Variants in SLC35B3 observed in about 807,000 individuals in gnomAD.
The protein encoded by SLC35B3 is adenosine 3'-phospho 5'-phosphosulfate transporter 2.
SLC35B3 carries 35 observed loss-of-function variants against 44.1 expected under a neutral mutation model. That is an observed-to-expected ratio of 0.79 (90% confidence interval 0.61 to 1.05). SLC35B3 has a LOEUF of 1.05. SLC35B3 is among the 50% of genes least tolerant of loss of function. The pLI, the probability that SLC35B3 is intolerant of heterozygous loss-of-function variation, is 0.00. For synonymous variants in SLC35B3, 146 were observed against 167.3 expected (o/e 0.87, Z 0.98); for missense variants, 414 against 476.4 (o/e 0.87, Z 1.22).
Position 8,432,481 on chromosome 6 carries a change from A to T in SLC35B3, c.3+1904T>A, listed in dbSNP as rs1245985406. 6.6e-6 allele frequency among the ~76,000 whole-genome samples: 1 copy of T among 152,138 alleles called. No homozygotes were observed. The highest frequency in any genetic ancestry group is 1.5e-5 in the Non-Finnish European group (1 of 68,020). On this transcript the variant is annotated intron_variant, in intron 2 of 10. Coordinates refer to ENST00000644923, the MANE Select transcript of SLC35B3 (RefSeq NM_001370476.2). The surrounding 1 kb of genome is among the most constrained non-coding windows in gnomAD (Gnocchi z 4.8). Reference sequence around the variant, plus strand: ...ACTGCCAAGCATATTGTAATGACTCAATACAATTATAGGTAATAGTATAAG... The same window carrying T: ...ACTGCCAAGCATATTGTAATGACTCTATACAATTATAGGTAATAGTATAAG...
In SLC35B3 at chr6:8,434,518, G is replaced by A. The variant is rs1297517464; in HGVS notation, c.-43-88C>T. The A allele has an allele frequency of 8.0e-6, 9 of 1,127,072 alleles. No homozygotes were observed. In the East Asian group the frequency reaches 1.3e-4, roughly 16 times the overall value. The allele number at this position is 1,127,072 out of a possible 1,614,324, so 69.8% of individuals were successfully genotyped here. On this transcript the variant is annotated intron_variant, in intron 1 of 10. Transcript: ENST00000644923. This position sits in a 1 kb window ranked among gnomAD's most constrained non-coding sequence, Gnocchi z 6.3. ...CATTACACAAAGGTGGAGAAACCCTGTGCTAATGTTTGAAGACTATTCTTT... is the reference window on the plus strand; with the variant it reads ...CATTACACAAAGGTGGAGAAACCCTATGCTAATGTTTGAAGACTATTCTTT...
chr6:8,433,641 A>G lies in SLC35B3; in HGVS notation c.3+744T>C, dbSNP rs764655440. On this transcript the variant is annotated intron_variant, in intron 2 of 10. Transcript: ENST00000644923. This position sits in a 1 kb window ranked among gnomAD's most constrained non-coding sequence, Gnocchi z 4.1. Reference sequence around the variant, plus strand: ...GTCTTTTCTACATGTATGCCAAAATACCGACATTGCTACTGAAACTCCCCA... The same window carrying G: ...GTCTTTTCTACATGTATGCCAAAATGCCGACATTGCTACTGAAACTCCCCA... Among the ~76,000 whole-genome samples the G allele has an allele frequency of 3.3e-5, 5 of 152,180 alleles. No individual in the cohort carries two copies. Among genetic ancestry groups the G allele is most frequent in the Non-Finnish European group, 5.9e-5 (4 of 68,036 alleles).
chr6:8,418,521 C>T (rs1371006352), intron 7 of SLC35B3, among the ~76,000 whole-genome samples: 1 of 147,762 alleles, frequency 6.8e-6, no homozygotes. Flanking sequence ...TATATAAAAA[C>T]CAGTTACAAG....
rs1764297663 is a variant in SLC35B3, at chr6:8,434,493, C to A, written c.-43-63G>T. The A allele has an allele frequency of 7.1e-7, 1 of 1,407,860 alleles. No individual in the cohort carries two copies. The highest frequency in any genetic ancestry group is 9.8e-7 in the Non-Finnish European group (1 of 1,018,420). 87.2% of individuals were successfully genotyped at this position (1,407,860 alleles called of 1,614,324 possible). A position where few individuals can be genotyped will look rare whatever the true frequency, so the allele number is the denominator to read the frequency against. On this transcript the variant is annotated intron_variant, in intron 1 of 10. Transcript: ENST00000644923. This position sits in a 1 kb window ranked among gnomAD's most constrained non-coding sequence, Gnocchi z 6.3. Reference sequence around the variant, plus strand: ...CCATCTCATTTCTTTGTACACACATCATTACACAAAGGTGGAGAAACCCTG... The same window carrying A: ...CCATCTCATTTCTTTGTACACACATAATTACACAAAGGTGGAGAAACCCTG...
intron 5 of SLC35B3, 114 bp downstream of exon 4, chr6:8,422,356 A>T: frequency 1.2e-6 from 1 of 830,162 alleles, no homozygotes. Flanking sequence ...GAATTGTTAC[A>T]ATATCTAGAA....
Position 8,435,517 on chromosome 6 carries a change from C to A in SLC35B3, c.-218G>T, listed in dbSNP as rs577164056. 6 of 604,496 alleles carry A rather than the reference C, an allele frequency of 9.9e-6. No individual in the cohort carries two copies. Among genetic ancestry groups the A allele is most frequent in the Non-Finnish European group, 1.3e-5 (5 of 396,530 alleles). 37.4% of individuals were successfully genotyped at this position (604,496 alleles called of 1,614,324 possible). A position where few individuals can be genotyped will look rare whatever the true frequency, so the allele number is the denominator to read the frequency against. On this transcript the variant is annotated 5_prime_UTR_variant, in exon 1 of 11. Coordinates refer to ENST00000644923, the MANE Select transcript of SLC35B3 (RefSeq NM_001370476.2). This position sits in a 1 kb window ranked among gnomAD's most constrained non-coding sequence, Gnocchi z 5.5. ...CCTCCCCGGAAAGCACTCTCAACTC[C>A]GGCGCCCGCAGGCCACTTCCGCCTA...
Position 8,422,689 on chromosome 6 carries a change from G to A in SLC35B3, c.420-65C>T, listed in dbSNP as rs1763015363. On this transcript the variant is annotated intron_variant, in intron 4 of 10. Transcript: ENST00000644923. ...AATTCATACTACTAAAAGATAATGT[G>A]TTCACATTGTGTAAATGTCTAATTA... 3 of 1,258,810 alleles carry A rather than the reference G, an allele frequency of 2.4e-6. No individual in the cohort carries two copies. In the South Asian group the frequency reaches 4.1e-5, roughly 17 times the overall value. 78.0% of individuals were successfully genotyped at this position (1,258,810 alleles called of 1,614,324 possible).
At chr6:8,431,848 A>G (rs918951566) in intron 2 of SLC35B3, among the ~76,000 whole-genome samples, 1 of 152,182 alleles carries the variant, frequency 6.6e-6, no homozygotes, top group South Asian at 2.1e-4. Context: ...CCGGCCTTAC[A>G]TAGGTTTCTA....
intron 7 of SLC35B3, among the ~76,000 whole-genome samples, 159 bp from the exon 7 acceptor site, chr6:8,417,653 T>C (rs1244850125): frequency 6.6e-6 from 1 of 152,136 alleles, no homozygotes; most frequent in Admixed American, 6.6e-5. Context: ...TGTTATTTGA[T>C]TCTAATGTTT....
intron 9 of SLC35B3, among the ~76,000 whole-genome samples, chr6:8,415,389 A>G (rs754511454): frequency 6.6e-6 from 1 of 152,156 alleles, no homozygotes; most frequent in African/African-American, 2.4e-5. Context: ...ATCTCTGGAT[A>G]AGACTATAAG....
rs1256269819 is a variant in SLC35B3, at chr6:8,435,528, G to A, written c.-229C>T. ...AGCACTCTCAACTCCGGCGCCCGCA[G>A]GCCACTTCCGCCTATGTGTCCCTGC... On this transcript the variant is annotated 5_prime_UTR_variant, in exon 1 of 11. Coordinates refer to ENST00000644923, the MANE Select transcript of SLC35B3 (RefSeq NM_001370476.2). The surrounding 1 kb of genome is among the most constrained non-coding windows in gnomAD (Gnocchi z 5.5). 3.0e-5 allele frequency: 15 copies of A among 492,078 alleles called. No individual in the cohort carries two copies. Among genetic ancestry groups the A allele is most frequent in the South Asian group, 3.7e-5 (2 of 53,792 alleles). The allele number at this position is 492,078 out of a possible 1,614,324, so 30.5% of individuals were successfully genotyped here.
rs1053897647 is a variant in SLC35B3, at chr6:8,419,208, C to T, written c.780+372G>A. Among the ~76,000 whole-genome samples, 3 of 152,020 alleles carry T rather than the reference C, an allele frequency of 2.0e-5. No individual in the cohort carries two copies. Among genetic ancestry groups the T allele is most frequent in the Non-Finnish European group, 2.9e-5 (2 of 67,928 alleles). On this transcript the variant is annotated intron_variant, in intron 7 of 10. Coordinates refer to ENST00000644923, the MANE Select transcript of SLC35B3 (RefSeq NM_001370476.2). This position sits in a 1 kb window ranked among gnomAD's most constrained non-coding sequence, Gnocchi z 4.3. ...GTTCTAAATCTCAGGGTTAGGAAAG[C>T]TCTTTTCAACCATGATACTTAGCCA...
intron 3 of SLC35B3, 96 bp downstream of exon 2, chr6:8,429,767 TC>T: frequency 1.2e-6 from 1 of 811,530 alleles, no homozygotes; most frequent in Non-Finnish European, 1.9e-6. Flanking sequence ...TCAGCCAGTA[TC>T]CCCTAAGTGA....
rs1239589332 is a variant in SLC35B3, at chr6:8,414,935, A to G, written c.1028T>C (p.Ile343Thr). 2.5e-6 allele frequency: 4 copies of G among 1,606,408 alleles called. No individual in the cohort carries two copies. The Admixed American group carries it at 6.7e-5, about 27-fold the overall frequency. Residue 343 changes from isoleucine (I) to threonine (T), a missense_variant, in exon 10 of 11, where the codon ATA (isoleucine) becomes ACA (threonine). Coordinates refer to ENST00000644923, the MANE Select transcript of SLC35B3 (RefSeq NM_001370476.2). Reference sequence around the variant, plus strand: ...AAACGTGAATGGTTTAGCAAAGAATATAAACGAAAGTACAATGGTCATTGC... The same window carrying G: ...AAACGTGAATGGTTTAGCAAAGAATGTAAACGAAAGTACAATGGTCATTGC...
intron 9 of SLC35B3, among the ~76,000 whole-genome samples, chr6:8,416,514 C>G (rs944898043): frequency 2.0e-5 from 3 of 152,086 alleles, no homozygotes; most frequent in Non-Finnish European, 4.4e-5. Flanking sequence ...TAAAGTGTAC[C>G]TCTCATACTT....
In SLC35B3 at chr6:8,420,799, C is replaced by G. The variant is rs1581241963; in HGVS notation, c.604G>C (p.Ala202Pro). ...AGGCCAAGGCTCATACATATGGCAG[C>G]AGACACATCTGCAACATTATAACGC... Residue 202 changes from alanine to proline, a missense_variant, in exon 6 of 11, where the codon GCT (alanine) becomes CCT (proline). Transcript: ENST00000644923. This position sits in a 1 kb window ranked among gnomAD's most constrained non-coding sequence, Gnocchi z 4.4. 1 of 1,612,366 alleles carries G rather than the reference C, an allele frequency of 6.2e-7. No homozygotes were observed. The highest frequency in any genetic ancestry group is 8.5e-7 in the Non-Finnish European group (1 of 1,178,752).
At position 8,412,493 on chromosome 6, in the gene SLC35B3, G is replaced by A. The variant is rs1350540179; in HGVS notation, c.*1056C>T. Among the ~76,000 whole-genome samples, 1 of 151,722 alleles carries A rather than the reference G, an allele frequency of 6.6e-6. No individual in the cohort carries two copies. The highest frequency in any genetic ancestry group is 2.4e-5 in the African/African-American group (1 of 41,278). ...AAAAATCCAATCATGATTCCTTTGG[G>A]ATTACTTGGGCAAACTGTAGCAAAT... On this transcript the variant is annotated 3_prime_UTR_variant, in exon 11 of 11. Coordinates refer to ENST00000644923, the MANE Select transcript of SLC35B3 (RefSeq NM_001370476.2).
intron 4 of SLC35B3, among the ~76,000 whole-genome samples, chr6:8,425,402 G>A (rs1021145711): frequency 6.6e-6 from 1 of 152,018 alleles, no homozygotes; most frequent in African/African-American, 2.4e-5. Context: ...GCTATTCCCA[G>A]TACTCCTCTA....
Position 8,419,548 on chromosome 6 carries a change from C to A in SLC35B3, c.780+32G>T, listed in dbSNP as rs1486455337. The A allele has an allele frequency of 1.8e-6, 2 of 1,135,814 alleles. No individual in the cohort carries two copies. The highest frequency in any genetic ancestry group is 2.5e-6 in the Non-Finnish European group (2 of 795,202). The allele number at this position is 1,135,814 out of a possible 1,614,324, so 70.4% of individuals were successfully genotyped here. ...GTGTATCACCATTTTTTAAATCTGT[C>A]TAATTTGAAGAAAAAACACTAGAGT... On this transcript the variant is annotated intron_variant, in intron 7 of 10. Transcript: ENST00000644923. The surrounding 1 kb of genome is among the most constrained non-coding windows in gnomAD (Gnocchi z 4.3).
Sources: allele counts gnomAD v4.1 joint callset (sites outside exome capture counted in the v4.1 genomes callset), GRCh38; gene constraint gnomAD v4.1.1; non-coding constraint Gnocchi (gnomAD v3.1); transcripts MANE v1.5; gene names NCBI Gene and HGNC (gene_info 2026-07-23, HGNC 2026-07-21).